Variants in PNPT1 observed in about 807,000 individuals in gnomAD.
PNPT1 encodes the protein polyribonucleotide nucleotidyltransferase 1.
In PNPT1, 53 loss-of-function variants were observed where a neutral mutation model predicts 119.5. The observed-to-expected ratio is 0.44, with a 90% CI of 0.36 to 0.56. PNPT1 has a LOEUF of 0.56. Ranked by LOEUF, PNPT1 falls within the 20% of genes least tolerant of loss-of-function variation. The pLI, the probability that PNPT1 is intolerant of heterozygous loss-of-function variation, is 0.00. For synonymous variants in PNPT1, 357 were observed against 322.1 expected, an observed-to-expected ratio of 1.11 and a Z score of -1.16; for missense variants, 948 against 938.5, an observed-to-expected ratio of 1.01 and a Z score of -0.13.
chr2:55,690,148 T>A (rs951774409), intron 1 of PNPT1, among the ~76,000 whole-genome samples: 1 of 152,180 alleles, frequency 6.6e-6, no homozygotes, highest in Non-Finnish European at 1.5e-5. Flanking sequence ...ATTAACTGTA[T>A]GGTATGTGAA....
intron 15 of PNPT1, among the ~76,000 whole-genome samples, chr2:55,657,870 A>AAAAAAAAAAAAAAAAAAAAAAAAAAAAG: frequency 1.6e-5 from 1 of 62,664 alleles, no homozygotes; most frequent in Non-Finnish European, 2.7e-5. Flanking sequence ...AAAAAAAAAA[A>AAAAAAAAAAAAAAAAAAAAAAAAAAAAG]AAAAAAAAAA....
intron 8 of PNPT1, among the ~76,000 whole-genome samples, chr2:55,676,283 AAG>A (rs1553500527): frequency 1.3e-5 from 2 of 151,032 alleles, no homozygotes. Flanking sequence ...AAAAAAAAAA[AAG>A]AAGATTGCTA....
rs555858352 is a variant in PNPT1 at position 55,660,097 on chromosome 2, T to G, written c.1284+60A>C. 4 of 1,465,060 alleles carry G rather than the reference T, an allele frequency of 2.7e-6. No individual in the cohort carries two copies. In the Admixed American group the frequency reaches 6.8e-5, roughly 25 times the overall value. 90.8% of individuals were successfully genotyped at this position (1,465,060 alleles called of 1,614,324 possible). A position where few individuals can be genotyped will look rare whatever the true frequency, so the allele number is the denominator to read the frequency against. ...CCAGCCTGGACAACAGGGTGAGACCTCGTCTCACAAAAATTTATTAATTTA... is the reference window on the plus strand; with the variant it reads ...CCAGCCTGGACAACAGGGTGAGACCGCGTCTCACAAAAATTTATTAATTTA... On this transcript the variant is annotated intron_variant, in intron 15 of 27. Coordinates refer to ENST00000447944, the MANE Select transcript of PNPT1 (RefSeq NM_033109.5).
In PNPT1 at chr2:55,644,044, G is replaced by A. The variant is rs559441453; in HGVS notation, c.1906+593C>T. On this transcript the variant is annotated intron_variant, in intron 23 of 27. Transcript: ENST00000447944. Reference sequence around the variant, plus strand: ...AGTCTGGTTCTGCTCTCTTAATTACGAGTAGAAACTATAATAGAACCCTTT... The same window carrying A: ...AGTCTGGTTCTGCTCTCTTAATTACAAGTAGAAACTATAATAGAACCCTTT... Among the ~76,000 whole-genome samples, 8 of 152,228 alleles carry A rather than the reference G, an allele frequency of 5.3e-5. No homozygotes were observed. The South Asian group carries it at 1.5e-3, about 28-fold the overall frequency.
At chr2:55,647,905 T>C (rs1696051380) in intron 18 of PNPT1, among the ~76,000 whole-genome samples, 1 of 152,230 alleles carries the variant, frequency 6.6e-6, no homozygotes, top group Non-Finnish European at 1.5e-5. Context: ...AGAGGTCATC[T>C]GACTACTTCG....
chr2:55,659,296 A>G (rs778834763), intron 15 of PNPT1, among the ~76,000 whole-genome samples: 23 of 152,206 alleles, frequency 1.5e-4, no homozygotes, highest in Non-Finnish European at 2.8e-4. Flanking sequence ...AAAGTACTTT[A>G]TATTAGGTCT....
At chr2:55,678,259 A>G (rs1235544946) in intron 8 of PNPT1, among the ~76,000 whole-genome samples, 1 of 152,222 alleles carries the variant, frequency 6.6e-6, no homozygotes, top group Admixed American at 6.5e-5. Context: ...GAGATGCTCA[A>G]ACATGAGGTA....
intron 1 of PNPT1, among the ~76,000 whole-genome samples, chr2:55,692,564 A>C (rs1022137392): frequency 7.2e-5 from 11 of 152,172 alleles, no homozygotes; most frequent in Admixed American, 7.2e-4. Context: ...CTTTGTAAGC[A>C]AAAAACAGAA....
intron 18 of PNPT1, among the ~76,000 whole-genome samples, chr2:55,654,194 T>A (rs10173150): frequency 0.14 from 21,142 of 150,610 alleles, 3,019 homozygotes; most frequent in African/African-American, 0.37. Flanking sequence ...GAGGCGGAGG[T>A]TGCAGTGAGC....
intron 22 of PNPT1, chr2:55,645,047 G>A (rs1256211525): frequency 9.2e-5 from 20 of 217,510 alleles, no homozygotes; most frequent in Middle Eastern, 1.6e-3. Flanking sequence ...TTTTTGAGAC[G>A]GAGTCTCACT....
In PNPT1 at chr2:55,667,936, T is replaced by A. The variant is rs780916931; in HGVS notation, c.999A>T (p.Pro333=). 5.1e-6 allele frequency: 8 copies of A among 1,578,814 alleles called. No individual in the cohort carries two copies. The South Asian group carries it at 9.4e-5, about 19-fold the overall frequency. The change falls in exon 12 of 28, where the codon CCA becomes CCT. Residue 333 remains proline (P), a synonymous_variant. Transcript: ENST00000447944. ...QLKEKFPEAD[P]YEIIESFNVV... is the part of the protein sequence containing the mutation. ...CATTGAAGGATTCTATTATTTCATA[T>A]GGATCGGCTTCTGGAAATTTTTCTA...
chr2:55,667,114 A>C, intron 12 of PNPT1, 21 bp from the exon 13 acceptor site: 5 of 1,547,642 alleles, frequency 3.2e-6, no homozygotes, highest in Non-Finnish European at 4.5e-6. Flanking sequence ...ATAGGAAATA[A>C]GTACATTAAG....
intron 11 of PNPT1, among the ~76,000 whole-genome samples, chr2:55,669,732 T>C (rs751100452): frequency 6.6e-6 from 1 of 151,226 alleles, no homozygotes; most frequent in Non-Finnish European, 1.5e-5. Flanking sequence ...ACAGTTACAA[T>C]TAATGGCCTT....
intron 13 of PNPT1, among the ~76,000 whole-genome samples, chr2:55,662,922 C>T (rs550298085): frequency 1.3e-5 from 2 of 151,368 alleles, no homozygotes; most frequent in African/African-American, 4.9e-5. Context: ...ACTCTGTCAC[C>T]CAGGCTGGAG....
intron 8 of PNPT1, among the ~76,000 whole-genome samples, chr2:55,675,409 C>A (rs575044345): frequency 6.6e-6 from 1 of 151,862 alleles, no homozygotes; most frequent in East Asian, 1.9e-4. Flanking sequence ...TAATGAGATG[C>A]TATATCTAAT....
chr2:55,686,805 C>T (rs1697418297), intron 2 of PNPT1, among the ~76,000 whole-genome samples: 1 of 152,158 alleles, frequency 6.6e-6, no homozygotes, highest in South Asian at 2.1e-4. Flanking sequence ...ACGCATAAAA[C>T]AGAAGCCCAA....
rs1695927941 is a variant in PNPT1 at position 55,644,513 on chromosome 2, T to C, written c.1906+124A>G. ...ACAGTCAAGACACGTCATATCCTTT[T>C]CTCCTGGTCTTTCTCTCATTTCTCA... On this transcript the variant is annotated intron_variant, in intron 23 of 27. Coordinates refer to ENST00000447944, the MANE Select transcript of PNPT1 (RefSeq NM_033109.5). 5 of 616,230 alleles carry C rather than the reference T, an allele frequency of 8.1e-6. No individual in the cohort carries two copies. The South Asian group carries it at 1.4e-4, about 17-fold the overall frequency. The allele number at this position is 616,230 out of a possible 1,614,324, so 38.2% of individuals were successfully genotyped here. A position where few individuals can be genotyped will look rare whatever the true frequency, so the allele number is the denominator to read the frequency against.
chr2:55,645,369 T>C lies in PNPT1; in HGVS notation c.1802A>G (p.Lys601Arg). Residue 601 changes from lysine to arginine, a missense_variant, in exon 22 of 28, where the codon AAA becomes AGA. Transcript: ENST00000447944. Reference sequence around the variant, plus strand: ...ATTACCTACAACAGGTCCATTTTCTTTTCTAGATGCTCGAGGTTTTGAAAT... The same window carrying C: ...ATTACCTACAACAGGTCCATTTTCTCTTCTAGATGCTCGAGGTTTTGAAAT... Reference protein sequence around the residue: ...KTISKPRASRKENGPVVETVQ... With the variant: ...KTISKPRASRRENGPVVETVQ... 6.2e-7 allele frequency: 1 copy of C among 1,611,092 alleles called. No homozygotes were observed. The highest frequency in any genetic ancestry group is 1.1e-5 in the South Asian group (1 of 90,994).
chr2:55,667,679 C>T (rs896612226), intron 12 of PNPT1, among the ~76,000 whole-genome samples, 183 bp downstream of exon 12: 4 of 151,940 alleles, frequency 2.6e-5, no homozygotes, highest in African/African-American at 7.3e-5. Flanking sequence ...TACACCAGGC[C>T]CAAGACAGAT....
Sources: gnomAD v4.1 joint callset for allele counts (sites outside exome capture counted in the v4.1 genomes callset) on GRCh38, gnomAD v4.1.1 for gene constraint, MANE v1.5 for transcripts, NCBI Gene and HGNC (gene_info 2026-07-23, HGNC 2026-07-21) for gene names.